Variants in RASAL2 observed in about 807,000 individuals in gnomAD.
RASAL2 encodes RAS protein activator like 2.
Under a neutral mutation model 128.9 loss-of-function variants are expected in RASAL2, and 58 were observed. The observed-to-expected ratio is 0.45, with a 90% CI of 0.36 to 0.56. The LOEUF is 0.56. Among genes scored for constraint, RASAL2 ranks in the 20% least tolerant of loss-of-function variants. RASAL2 has a pLI of 0.00. For missense variants in RASAL2, 1,360 were observed against 1,601.6 expected, an observed-to-expected ratio of 0.85 and a Z score of 2.57; for synonymous variants, 561 against 580.8, an observed-to-expected ratio of 0.97 and a Z score of 0.49.
chr1:178,258,579 A>G (rs997259691), intron 1 of RASAL2, among the ~76,000 whole-genome samples: 1 of 152,226 alleles, frequency 6.6e-6, no homozygotes, highest in Non-Finnish European at 1.5e-5. Context: ...ACATCTTGCT[A>G]TTAGGATATC....
At chr1:178,198,599 C>T (rs1662755361) in intron 1 of RASAL2, among the ~76,000 whole-genome samples, 1 of 152,158 alleles carries the variant, frequency 6.6e-6, no homozygotes, top group South Asian at 2.1e-4. Flanking sequence ...CACTCCAGAC[C>T]GTGTTTGCCT....
intron 1 of RASAL2, among the ~76,000 whole-genome samples, chr1:178,283,254 A>AAGCTTAACCAG (rs1666866727): frequency 6.6e-6 from 1 of 152,162 alleles, no homozygotes; most frequent in Non-Finnish European, 1.5e-5. Context: ...ATTTTAAACG[A>AAGCTTAACCAG]TACTGGTTAA....
At chr1:178,203,459 T>C (rs1378080938) in intron 1 of RASAL2, among the ~76,000 whole-genome samples, 1 of 152,196 alleles carries the variant, frequency 6.6e-6, no homozygotes, top group African/African-American at 2.4e-5. Flanking sequence ...TAATACATGG[T>C]ACTGTTTCTT....
chr1:178,390,022 C>A, intron 3 of RASAL2, 78 bp from the exon 4 acceptor site: 1 of 863,820 alleles, frequency 1.2e-6, no homozygotes, highest in East Asian at 2.6e-5. Context: ...TTGTGAAAAA[C>A]CAGTAACTTT....
At chr1:178,261,801 C>A (rs1156613755) in intron 1 of RASAL2, among the ~76,000 whole-genome samples, 3 of 151,696 alleles carry the variant, frequency 2.0e-5, no homozygotes, top group Non-Finnish European at 4.4e-5. Context: ...CCTGTCATCC[C>A]AGCTACTCAG....
intron 1 of RASAL2, among the ~76,000 whole-genome samples, chr1:178,275,531 G>A (rs752572466): frequency 2.6e-5 from 4 of 152,266 alleles, no homozygotes; most frequent in Non-Finnish European, 5.9e-5. Flanking sequence ...AATAAGTAAT[G>A]GCACCAAACT....
intron 4 of RASAL2, chr1:178,411,677 CT>C: frequency 1.2e-6 from 1 of 821,946 alleles, no homozygotes; most frequent in Non-Finnish European, 2.2e-6. Flanking sequence ...TTCAGTGACA[CT>C]TTTGTCCATG....
At chr1:178,394,730 C>A (rs553247860) in intron 4 of RASAL2, among the ~76,000 whole-genome samples, 1 of 152,180 alleles carries the variant, frequency 6.6e-6, no homozygotes, top group East Asian at 1.9e-4. Flanking sequence ...AAAAATTATG[C>A]CAAGACATCC....
At chr1:178,329,638 A>G (rs571395305) in intron 3 of RASAL2, among the ~76,000 whole-genome samples, 10 of 152,230 alleles carry the variant, frequency 6.6e-5, no homozygotes, top group African/African-American at 2.2e-4. Flanking sequence ...CGTGATGTCT[A>G]AATATCATTC....
intron 1 of RASAL2, among the ~76,000 whole-genome samples, chr1:178,202,554 G>A (rs968061594): frequency 1.3e-5 from 2 of 152,218 alleles, no homozygotes; most frequent in Admixed American, 6.5e-5. Context: ...TGCATGGAAG[G>A]AGAAGTGGCC....
At chr1:178,140,191 T>A (rs2102328082) in intron 1 of RASAL2, among the ~76,000 whole-genome samples, 1 of 152,322 alleles carries the variant, frequency 6.6e-6, no homozygotes, top group South Asian at 2.1e-4. Context: ...TAAAATAGAC[T>A]TCATTTTTTA....
At chr1:178,312,137 A>G (rs1668285238) in intron 3 of RASAL2, among the ~76,000 whole-genome samples, 1 of 152,178 alleles carries the variant, frequency 6.6e-6, no homozygotes, top group Non-Finnish European at 1.5e-5. Flanking sequence ...AAAGGGAAAG[A>G]AAGGGAGCAA....
chr1:178,210,844 G>A (rs1663229240), intron 1 of RASAL2, among the ~76,000 whole-genome samples: 1 of 152,096 alleles, frequency 6.6e-6, no homozygotes, highest in African/African-American at 2.4e-5. Context: ...AAACACCAAG[G>A]GCTCTAGTAC....
chr1:178,239,620 C>CA (rs1331821347), intron 1 of RASAL2, among the ~76,000 whole-genome samples: 1 of 152,012 alleles, frequency 6.6e-6, no homozygotes, highest in Non-Finnish European at 1.5e-5. Flanking sequence ...TTATAATAAA[C>CA]ATTTTTAGTT....
Position 178,456,831 on chromosome 1 carries a change from C to T in RASAL2, c.2322C>T (p.Asn774=). ...QQQLRRFTEH[N]SSPNVSGSLS... is the part of the protein sequence containing the mutation. ...AACTGAGACGCTTCACTGAACATAA[C>T]TCCAGTCCAAATGTCAGTGGAAGCC... Residue 774 remains asparagine, a synonymous_variant, in exon 13 of 18, where the codon AAC becomes AAT. Transcript: ENST00000367649. The T allele has an allele frequency of 6.2e-7, 1 of 1,614,214 alleles. No individual in the cohort carries two copies. Among genetic ancestry groups the T allele is most frequent in the Non-Finnish European group, 8.5e-7 (1 of 1,180,036 alleles).
intron 1 of RASAL2, among the ~76,000 whole-genome samples, chr1:178,099,922 G>A (rs1196375788): frequency 2.6e-5 from 4 of 152,008 alleles, no homozygotes; most frequent in East Asian, 3.9e-4. Context: ...TGATTCCACC[G>A]TTGCACTGCA....
intron 1 of RASAL2, among the ~76,000 whole-genome samples, chr1:178,117,710 A>G (rs542025494): frequency 1.3e-5 from 2 of 152,356 alleles, no homozygotes; most frequent in South Asian, 4.1e-4. Context: ...GGCACTGTCC[A>G]TGAAGCAGAA....
intron 5 of RASAL2, 126 bp from the exon 6 acceptor site, chr1:178,439,296 T>C: frequency 1.3e-6 from 1 of 789,768 alleles, no homozygotes; most frequent in Non-Finnish European, 1.9e-6. Context: ...GATTAACTAT[T>C]AATTTGTTCC....
At chr1:178,096,609 C>G (rs772276225) in intron 1 of RASAL2, among the ~76,000 whole-genome samples, 15 of 151,560 alleles carry the variant, frequency 9.9e-5, no homozygotes, top group Non-Finnish European at 1.8e-4. Flanking sequence ...CTGCGTGGTT[C>G]AATTGATGTC....
Sources: gnomAD v4.1 joint callset for allele counts (sites outside exome capture counted in the v4.1 genomes callset) on GRCh38, gnomAD v4.1.1 for gene constraint, MANE v1.5 for transcripts, NCBI Gene and HGNC (gene_info 2026-07-23, HGNC 2026-07-21) for gene names.